Variants in SLC17A7 observed in about 807,000 individuals in gnomAD.
SLC17A7 encodes solute carrier family 17 member 7, also known as vesicular glutamate transporter 1.
In SLC17A7, 15 loss-of-function variants were observed where a neutral mutation model predicts 59.1. The ratio of observed to expected loss-of-function variants is 0.25; its 90% confidence interval spans 0.17 to 0.39. SLC17A7 has a LOEUF of 0.39. Among genes scored for constraint, SLC17A7 ranks in the 10% least tolerant of loss-of-function variants. The pLI is 1.00. For synonymous variants in SLC17A7, 353 were observed against 308.9 expected (o/e 1.14, Z -1.50); for missense variants, 499 against 765.1 (o/e 0.65, Z 4.10).
chr19:49,430,341 A>AGGCAGT lies in SLC17A7; in HGVS notation c.*177_*178insACTGCC, dbSNP rs1400059701. 3 of 539,500 alleles carry AGGCAGT rather than the reference A, an allele frequency of 5.6e-6. No individual in the cohort carries two copies. In the East Asian group the frequency reaches 9.5e-5, roughly 17 times the overall value. The allele number at this position is 539,500 out of a possible 1,614,324, so 33.4% of individuals were successfully genotyped here. A position where few individuals can be genotyped will look rare whatever the true frequency, so the allele number is the denominator to read the frequency against. On this transcript the variant is annotated 3_prime_UTR_variant, in exon 12 of 12. Transcript: ENST00000221485. ...CTTGAAACTGTCAGTCTGCAGCTTC[A>AGGCAGT]CTACCCCTGAGAGGCAATTGGGAAG... is the stretch of plus-strand genomic sequence containing the variant.
chr19:49,435,091 G>T (rs1403031649), intron 3 of SLC17A7, 77 bp downstream of exon 3: 5 of 1,204,162 alleles, frequency 4.2e-6, no homozygotes, highest in East Asian at 2.3e-5. Context: ...GAGCCAGCCC[G>T]CAAATTCAAG....
At chr19:49,432,107 G>A (rs1048591242) in intron 9 of SLC17A7, among the ~76,000 whole-genome samples, 2 of 152,126 alleles carry the variant, frequency 1.3e-5, no homozygotes, top group East Asian at 1.9e-4. Flanking sequence ...ACAGGCGCGC[G>A]CCACCACGCC....
Position 49,430,461 on chromosome 19 carries a change from G to T in SLC17A7, c.*58C>A. On this transcript the variant is annotated 3_prime_UTR_variant, in exon 12 of 12. Transcript: ENST00000221485. ...CAGGGTTCCTTGACACTGTCACTCA[G>T]GCCAGAGATGAGTGGAATGGAGGTC... The T allele has an allele frequency of 7.8e-7, 1 of 1,274,790 alleles. No homozygotes were observed. 79.0% of individuals were successfully genotyped at this position (1,274,790 alleles called of 1,614,324 possible).
At chr19:49,430,948 A>G (rs2078956953) in intron 11 of SLC17A7, 67 bp downstream of exon 11, 1 of 1,560,900 alleles carries the variant, frequency 6.4e-7, no homozygotes, top group Admixed American at 1.8e-5. Context: ...AGACAGTGCC[A>G]CCACGTGGTC....
Position 49,433,226 on chromosome 19 carries a change from C to T in SLC17A7, c.868-266G>A, listed in dbSNP as rs926186203. On this transcript the variant is annotated intron_variant, in intron 7 of 11. Transcript: ENST00000221485. This position sits in a 1 kb window ranked among gnomAD's most constrained non-coding sequence, Gnocchi z 5.7. ...GTGTCCGGGCCCCTCAGGGACCTGT[C>T]TTTTTCTTTTTTTCTTTTTATTTTT... 7.8e-6 allele frequency: 4 copies of T among 509,604 alleles called. No individual in the cohort carries two copies. The highest frequency in any genetic ancestry group is 1.4e-5 in the Non-Finnish European group (4 of 290,268). 31.6% of individuals were successfully genotyped at this position (509,604 alleles called of 1,614,324 possible).
chr19:49,430,835 G>A (rs1279800674), intron 11 of SLC17A7, 23 bp from the exon 12 acceptor site: 4 of 1,586,504 alleles, frequency 2.5e-6, no homozygotes, highest in Admixed American at 1.7e-5. Flanking sequence ...ATAGGGCTGA[G>A]GTCAAATGGG....
In SLC17A7 at chr19:49,434,639, G is replaced by A; in HGVS notation, c.600C>T (p.Pro200=). 6.2e-7 allele frequency: 1 copy of A among 1,612,102 alleles called. No individual in the cohort carries two copies. The highest frequency in any genetic ancestry group is 8.5e-7 in the Non-Finnish European group (1 of 1,179,558). ...TCGTCGCCAGGCGACTCCGTTCTAA[G>A]GGTGGGGCCCATTTGCTCCAGATCC... ...CHGIWSKWAP[P]LERSRLATTA... is the part of the protein sequence containing the mutation. The change falls in exon 5 of 12, where the codon CCC becomes CCT. Residue 200 remains proline (P), a synonymous_variant. Transcript: ENST00000221485.
At chr19:49,437,018 C>T in intron 1 of SLC17A7, 2 of 645,678 alleles carry the variant, frequency 3.1e-6, no homozygotes, top group South Asian at 4.0e-5. Context: ...CCAGCCCCCT[C>T]CTTCTTCACA....
Position 49,430,539 on chromosome 19 carries a change from G to A in SLC17A7, c.1663C>T (p.Pro555Ser), listed in dbSNP as rs1378966310. The change falls in exon 12 of 12, where the codon CCC becomes TCC. Residue 555 changes from proline to serine, a missense_variant. Coordinates refer to ENST00000221485, the MANE Select transcript of SLC17A7 (RefSeq NM_020309.4). ...CATGGTCAGTAGTCCCGGACAGGGG[G>A]TGGGGGCCTGGGGGGCTGAAATGTG... ...HSTFQPPRPP[P>S]PVRDY 2 of 1,585,894 alleles carry A rather than the reference G, an allele frequency of 1.3e-6. No individual in the cohort carries two copies. The highest frequency in any genetic ancestry group is 1.7e-6 in the Non-Finnish European group (2 of 1,164,832).
At position 49,436,323 on chromosome 19, in the gene SLC17A7, A is replaced by C. The variant is rs920762564; in HGVS notation, c.315+226T>G. On this transcript the variant is annotated intron_variant, in intron 2 of 11. Coordinates refer to ENST00000221485, the MANE Select transcript of SLC17A7 (RefSeq NM_020309.4). This position sits in a 1 kb window ranked among gnomAD's most constrained non-coding sequence, Gnocchi z 4.1. ...CTACATTTTTCAATCAAGCCCCTGG[A>C]AATAAGGGCGGGACTTCATTTAGAT... 1 of 589,360 alleles carries C rather than the reference A, an allele frequency of 1.7e-6. No homozygotes were observed. The highest frequency in any genetic ancestry group is 2.3e-5 in the South Asian group (1 of 43,108). The allele number at this position is 589,360 out of a possible 1,614,324, so 36.5% of individuals were successfully genotyped here. A position where few individuals can be genotyped will look rare whatever the true frequency, so the allele number is the denominator to read the frequency against.
In SLC17A7 at chr19:49,430,565, C is replaced by T. The variant is rs2078954355; in HGVS notation, c.1637G>A (p.Ser546Asn). ...APPPSYGATH[S>N]TFQPPRPPPP... is the part of the protein sequence containing the mutation. Reference sequence around the variant, plus strand: ...TGGGGGCCTGGGGGGCTGAAATGTGCTGTGTGTGGCCCCATAGGAGGGCGG... The same window carrying T: ...TGGGGGCCTGGGGGGCTGAAATGTGTTGTGTGTGGCCCCATAGGAGGGCGG... Residue 546 changes from serine (S) to asparagine (N), a missense_variant, in exon 12 of 12, where the codon AGC (serine) becomes AAC (asparagine). This residue lies in a region of SLC17A7 where 98 missense variants were observed against 77.5 expected (regional missense o/e 1.27). Coordinates refer to ENST00000221485, the MANE Select transcript of SLC17A7 (RefSeq NM_020309.4). 1.2e-6 allele frequency: 2 copies of T among 1,603,928 alleles called. No individual in the cohort carries two copies. The highest frequency in any genetic ancestry group is 2.2e-5 in the East Asian group (1 of 44,692).
At position 49,429,485 on chromosome 19, in the gene SLC17A7, A is replaced by C; in HGVS notation, c.*1034T>G. On this transcript the variant is annotated 3_prime_UTR_variant, in exon 12 of 12. Coordinates refer to ENST00000221485, the MANE Select transcript of SLC17A7 (RefSeq NM_020309.4). ...CAGAGACACAAAGACACAACCCTGC[A>C]CTGGGAAAAAACACCCCTGGCTCCT... is the stretch of plus-strand genomic sequence containing the variant. The C allele has an allele frequency of 2.5e-6, 1 of 399,128 alleles. No individual in the cohort carries two copies. The highest frequency in any genetic ancestry group is 2.1e-5 in the African/African-American group (1 of 48,748). The allele number at this position is 399,128 out of a possible 1,614,324, so 24.7% of individuals were successfully genotyped here. A position where few individuals can be genotyped will look rare whatever the true frequency, so the allele number is the denominator to read the frequency against.
At chr19:49,430,927 T>A in intron 11 of SLC17A7, 88 bp downstream of exon 11, 1 of 1,554,072 alleles carries the variant, frequency 6.4e-7, no homozygotes, top group Non-Finnish European at 8.7e-7. Context: ...AAGGCAGGGA[T>A]GGCACCCCAG....
Position 49,436,937 on chromosome 19 carries a change from C to T in SLC17A7, c.63-136G>A. ...CGCACCTCCTCCTTCACCAAGAGTC[C>T]AGGTCCCTGGCTCCCTTCGCCCCCC... On this transcript the variant is annotated intron_variant, in intron 1 of 11. Transcript: ENST00000221485. The surrounding 1 kb of genome is among the most constrained non-coding windows in gnomAD (Gnocchi z 4.1). 1.5e-6 allele frequency: 2 copies of T among 1,325,898 alleles called. No individual in the cohort carries two copies. The highest frequency in any genetic ancestry group is 5.1e-5 in the East Asian group (2 of 39,548). 82.1% of individuals were successfully genotyped at this position (1,325,898 alleles called of 1,614,324 possible).
rs1457815644 is a variant in SLC17A7 at position 49,429,692 on chromosome 19, G to C, written c.*827C>G. The C allele has an allele frequency of 2.5e-6, 1 of 397,100 alleles. No homozygotes were observed. The highest frequency in any genetic ancestry group is 3.6e-5 in the East Asian group (1 of 28,046). The allele number at this position is 397,100 out of a possible 1,614,324, so 24.6% of individuals were successfully genotyped here. ...AACCACCCAGGAGAATAAAGTGCGAGGAATTGGGGAGGGGGCATCATGAAA... is the reference window on the plus strand; with the variant it reads ...AACCACCCAGGAGAATAAAGTGCGACGAATTGGGGAGGGGGCATCATGAAA... On this transcript the variant is annotated 3_prime_UTR_variant, in exon 12 of 12. Coordinates refer to ENST00000221485, the MANE Select transcript of SLC17A7 (RefSeq NM_020309.4).
chr19:49,431,241 T>C lies in SLC17A7; in HGVS notation c.1261+97A>G. The C allele has an allele frequency of 6.3e-7, 1 of 1,581,708 alleles. No individual in the cohort carries two copies. Among genetic ancestry groups the C allele is most frequent in the Non-Finnish European group, 8.6e-7 (1 of 1,159,058 alleles). ...CCTCTCCCCTCCCCGCCACTCATGTTCCACCTTTTGTGAGGCTGAGAGGCC... is the reference window on the plus strand; with the variant it reads ...CCTCTCCCCTCCCCGCCACTCATGTCCCACCTTTTGTGAGGCTGAGAGGCC... On this transcript the variant is annotated intron_variant, in intron 10 of 11. Transcript: ENST00000221485. This position sits in a 1 kb window ranked among gnomAD's most constrained non-coding sequence, Gnocchi z 4.6.
chr19:49,437,145 A>T (rs1026030362), intron 1 of SLC17A7: 2 of 381,206 alleles, frequency 5.2e-6, no homozygotes, highest in East Asian at 4.9e-5. Context: ...AGGCCCAAAG[A>T]CTCTCCAGCC....
rs779678838 is a variant in SLC17A7, at chr19:49,434,705, C to A, written c.550-16G>T. On this transcript the variant is annotated splice_polypyrimidine_tract_variant and intron_variant, in intron 4 of 11. Coordinates refer to ENST00000221485, the MANE Select transcript of SLC17A7 (RefSeq NM_020309.4). ...ATGTGACCCCCTAAAGAGGAGAAAA[C>A]CAAGGTCACTGAGAAGAGGCAGGGT... 6.2e-7 allele frequency: 1 copy of A among 1,614,048 alleles called. No homozygotes were observed. Among genetic ancestry groups the A allele is most frequent in the South Asian group, 1.1e-5 (1 of 91,090 alleles).
At chr19:49,439,689 T>C (rs1160140926) in intron 1 of SLC17A7, among the ~76,000 whole-genome samples, 1 of 152,190 alleles carries the variant, frequency 6.6e-6, no homozygotes, top group Admixed American at 6.5e-5. Context: ...CCTCCAACCA[T>C]CAGAGCAAAC....
Sources: allele counts gnomAD v4.1 joint callset (sites outside exome capture counted in the v4.1 genomes callset), GRCh38; gene constraint gnomAD v4.1.1; regional missense constraint gnomAD v4.1.1; non-coding constraint Gnocchi (gnomAD v3.1); transcripts MANE v1.5; gene names NCBI Gene and HGNC (gene_info 2026-07-23, HGNC 2026-07-21).